The following UGGT2 variants were observed in gnomAD, a reference collection of about 807,000 sequenced individuals.
UGGT2 encodes the protein UDP-glucose glycoprotein glucosyltransferase 2.
A neutral mutation model predicts 192.1 loss-of-function variants in UGGT2; 180 were observed. That is an observed-to-expected ratio of 0.94 (90% CI 0.83 to 1.06). UGGT2 has a LOEUF of 1.06. Among genes scored for constraint, UGGT2 ranks in the 50% least tolerant of loss-of-function variants. The probability of loss-of-function intolerance (pLI) is 0.00; values close to 1 mark genes in which losing one functional copy is unlikely to be tolerated. For missense variants in UGGT2, 1,849 were observed against 1,795.7 expected, an observed-to-expected ratio of 1.03 and a Z score of -0.54; for synonymous variants, 580 against 591.0, an observed-to-expected ratio of 0.98 and a Z score of 0.27.
At chr13:95,809,962 T>A (rs1208511765) in intron 38 of UGGT2, among the ~76,000 whole-genome samples, 3 of 152,208 alleles carry the variant, frequency 2.0e-5, no homozygotes, top group Non-Finnish European at 4.4e-5. Context: ...ATGAGATAAA[T>A]AGGTATTTTG....
At chr13:95,809,019 C>T (rs188355906) in intron 38 of UGGT2, among the ~76,000 whole-genome samples, 2 of 152,254 alleles carry the variant, frequency 1.3e-5, no homozygotes, top group Admixed American at 1.3e-4. Context: ...AACTAACCCC[C>T]CATCTATGGA....
At chr13:95,845,932 C>T (rs946115592) in intron 36 of UGGT2, among the ~76,000 whole-genome samples, 56 of 151,426 alleles carry the variant, frequency 3.7e-4, no homozygotes, top group African/African-American at 1.3e-3. Flanking sequence ...GGACTCCTCA[C>T]TTCCCAGACT....
intron 10 of UGGT2, among the ~76,000 whole-genome samples, chr13:95,973,445 C>A (rs1197063504): frequency 6.6e-6 from 1 of 152,146 alleles, no homozygotes; most frequent in Non-Finnish European, 1.5e-5. Flanking sequence ...TGCTAGTTGG[C>A]ACATTCCTAT....
At chr13:96,045,800 A>T (rs146121171) in intron 1 of UGGT2, among the ~76,000 whole-genome samples, 211 of 152,310 alleles carry the variant, frequency 1.4e-3, no homozygotes, top group African/African-American at 4.7e-3. Context: ...GATCTCTACA[A>T]GGAAAACTAC....
At chr13:95,865,805 T>C (rs375848603) in intron 30 of UGGT2, among the ~76,000 whole-genome samples, 2 of 152,246 alleles carry the variant, frequency 1.3e-5, no homozygotes, top group East Asian at 1.9e-4. Context: ...TCTTTAATTA[T>C]CTTTGAAATT....
chr13:96,045,053 C>T (rs1393107378), intron 1 of UGGT2, among the ~76,000 whole-genome samples: 2 of 152,056 alleles, frequency 1.3e-5, no homozygotes, highest in African/African-American at 2.4e-5. Flanking sequence ...AAGGAAACTA[C>T]ATACCAATAT....
chr13:95,962,274 A>G (rs2050419536), intron 12 of UGGT2, among the ~76,000 whole-genome samples: 2 of 152,162 alleles, frequency 1.3e-5, no homozygotes, highest in Non-Finnish European at 2.9e-5. Flanking sequence ...ACAAAGGATC[A>G]ACAAAATGAA....
chr13:95,893,930 C>T (rs1277707635), intron 24 of UGGT2, among the ~76,000 whole-genome samples: 2 of 152,190 alleles, frequency 1.3e-5, no homozygotes, highest in Non-Finnish European at 2.9e-5. Context: ...TATAATGTGT[C>T]AACTTGACCA....
intron 36 of UGGT2, among the ~76,000 whole-genome samples, chr13:95,851,044 G>A (rs554236741): frequency 1.4e-4 from 21 of 152,278 alleles, no homozygotes; most frequent in Admixed American, 9.2e-4. Context: ...GTCAACTGAG[G>A]TCTTAATTGA....
intron 38 of UGGT2, among the ~76,000 whole-genome samples, chr13:95,821,665 T>C (rs1409130564): frequency 1.3e-5 from 2 of 152,158 alleles, no homozygotes; most frequent in Admixed American, 6.6e-5. Flanking sequence ...CAGAAGAGTT[T>C]TTCCAGTGTT....
chr13:95,900,955 G>C lies in UGGT2; in HGVS notation c.2503-17C>G, dbSNP rs1433366538. 8 of 1,531,980 alleles carry C rather than the reference G, an allele frequency of 5.2e-6. No individual in the cohort carries two copies. The highest frequency in any genetic ancestry group is 7.0e-6 in the Non-Finnish European group (8 of 1,144,484). The allele number at this position is 1,531,980 out of a possible 1,614,324, so 94.9% of individuals were successfully genotyped here. ...ATCCATCCCCTAAAGCAAAAGTTAA[G>C]ACTGATGAAACTAATATGAGAACAG... On this transcript the variant is annotated splice_polypyrimidine_tract_variant and intron_variant, in intron 21 of 38. Coordinates refer to ENST00000376747, the MANE Select transcript of UGGT2 (RefSeq NM_020121.4).
chr13:95,883,782 C>G (rs2047560905), intron 27 of UGGT2, among the ~76,000 whole-genome samples: 1 of 152,104 alleles, frequency 6.6e-6, no homozygotes. Flanking sequence ...AACAGACTAC[C>G]ACACGTATCT....
intron 25 of UGGT2, among the ~76,000 whole-genome samples, chr13:95,889,133 G>GT (rs1388975958): frequency 6.6e-6 from 1 of 152,078 alleles, no homozygotes; most frequent in Admixed American, 6.6e-5. Flanking sequence ...TTTAAGTAGT[G>GT]TTTTTTGAAT....
intron 4 of UGGT2, among the ~76,000 whole-genome samples, chr13:96,022,787 T>G (rs1381286928): frequency 6.6e-6 from 1 of 152,006 alleles, no homozygotes; most frequent in Non-Finnish European, 1.5e-5. Flanking sequence ...TTTTGCATGT[T>G]TATTTCAAAA....
At chr13:95,877,656 C>T in intron 28 of UGGT2, 42 bp downstream of exon 28, 2 of 1,570,986 alleles carry the variant, frequency 1.3e-6, no homozygotes, top group South Asian at 1.2e-5. Flanking sequence ...AGAGAATTCA[C>T]CAAAACATCA....
At chr13:96,018,737 T>C (rs1203769611) in intron 4 of UGGT2, among the ~76,000 whole-genome samples, 2 of 122,696 alleles carry the variant, frequency 1.6e-5, no homozygotes, top group African/African-American at 5.8e-5. Flanking sequence ...TATGTTATAA[T>C]TGAAAAAAAA....
chr13:95,984,162 T>C (rs1243456126), intron 9 of UGGT2, among the ~76,000 whole-genome samples: 2 of 152,158 alleles, frequency 1.3e-5, no homozygotes, highest in Non-Finnish European at 2.9e-5. Flanking sequence ...TTTGCGTTAT[T>C]TTGCCCAATA....
At chr13:96,026,659 C>CTT (rs71211702) in intron 2 of UGGT2, among the ~76,000 whole-genome samples, 2,267 of 101,200 alleles carry the variant, frequency 0.022, 9 homozygotes, top group African/African-American at 0.027. Flanking sequence ...TTTCACTCTT[C>CTT]TTTTTTTTTT....
intron 33 of UGGT2, 190 bp from the exon 34 acceptor site, chr13:95,856,530 C>A: frequency 1.8e-6 from 1 of 554,574 alleles, no homozygotes; most frequent in Non-Finnish European, 3.1e-6. Flanking sequence ...TATGAAATCA[C>A]AAGTATAAAT....
Sources: allele counts gnomAD v4.1 joint callset (sites outside exome capture counted in the v4.1 genomes callset), GRCh38; gene constraint gnomAD v4.1.1; transcripts MANE v1.5; gene names NCBI Gene and HGNC (gene_info 2026-07-23, HGNC 2026-07-21).